The following SH3PXD2B variants were observed in gnomAD, a reference collection of about 807,000 sequenced individuals.
SH3PXD2B encodes SH3 and PX domains 2B, also known as SH3 and PX domain-containing protein 2B.
Under a neutral mutation model 73.1 loss-of-function variants are expected in SH3PXD2B, and 37 were observed. That is an observed-to-expected ratio of 0.51 (90% CI 0.39 to 0.67). The LOEUF (loss-of-function observed/expected upper bound fraction) is 0.67. Ranked by LOEUF, SH3PXD2B falls within the 30% of genes least tolerant of loss-of-function variation. SH3PXD2B has a pLI of 0.00. For missense variants in SH3PXD2B, 1,053 were observed against 1,197.8 expected, an observed-to-expected ratio of 0.88 and a Z score of 1.78; for synonymous variants, 457 against 480.5, an observed-to-expected ratio of 0.95 and a Z score of 0.64.
At chr5:172,396,569 A>G (rs2113404131) in intron 3 of SH3PXD2B, among the ~76,000 whole-genome samples, 1 of 151,430 alleles carries the variant, frequency 6.6e-6, no homozygotes, top group African/African-American at 2.4e-5. Flanking sequence ...AAAGGACACT[A>G]TTTGGAAACT....
chr5:172,347,236 C>T (rs1757016408), intron 11 of SH3PXD2B, 47 bp downstream of exon 11: 5 of 1,601,784 alleles, frequency 3.1e-6, no homozygotes, highest in South Asian at 1.1e-5. Context: ...ACACCCCTCA[C>T]AGCCCTCAAG....
intron 12 of SH3PXD2B, among the ~76,000 whole-genome samples, chr5:172,343,169 G>C (rs940704207): frequency 2.0e-5 from 3 of 152,212 alleles, no homozygotes; most frequent in Non-Finnish European, 4.4e-5. Context: ...AGTCCCACTG[G>C]AATCTCCAGG....
At chr5:172,350,135 G>A (rs1757126316) in intron 10 of SH3PXD2B, among the ~76,000 whole-genome samples, 1 of 152,212 alleles carries the variant, frequency 6.6e-6, no homozygotes, top group African/African-American at 2.4e-5. Flanking sequence ...GATTACAGGT[G>A]TGAGCCACTG....
chr5:172,434,782 G>GTTTTTTTTTTTTTGTTTTT (rs747705663), intron 1 of SH3PXD2B, among the ~76,000 whole-genome samples: 1 of 66,348 alleles, frequency 1.5e-5, no homozygotes, highest in African/African-American at 4.6e-5. Context: ...ATGGCCAATG[G>GTTTTTTTTTTTTTGTTTTT]TTTTTTTTTT....
intron 3 of SH3PXD2B, 145 bp downstream of exon 3, chr5:172,406,132 G>A: frequency 1.0e-6 from 1 of 987,692 alleles, no homozygotes; most frequent in Non-Finnish European, 1.5e-6. Flanking sequence ...GCATAAATGG[G>A]TTAATTTCTA....
At chr5:172,329,098 T>TTTTTTG (rs1756505935), downstream of SH3PXD2B, among the ~76,000 whole-genome samples, 1 of 138,060 alleles carries the variant, frequency 7.2e-6, no homozygotes, top group Admixed American at 7.4e-5. Flanking sequence ...TTTTTTTTTT[T>TTTTTTG]GAGATGGAGT....
At chr5:172,427,419 C>T (rs1215869957) in intron 1 of SH3PXD2B, among the ~76,000 whole-genome samples, 1 of 152,162 alleles carries the variant, frequency 6.6e-6, no homozygotes, top group Non-Finnish European at 1.5e-5. Flanking sequence ...GATCATAGCT[C>T]ACTGCAACTT....
intron 2 of SH3PXD2B, among the ~76,000 whole-genome samples, chr5:172,408,221 G>T (rs574129730): frequency 1.8e-4 from 28 of 151,614 alleles, no homozygotes; most frequent in Non-Finnish European, 3.4e-4. Flanking sequence ...TCGTTTCAAA[G>T]AACTTGCTTT....
intron 6 of SH3PXD2B, among the ~76,000 whole-genome samples, chr5:172,368,470 A>ATTATATATATATATAAAATATATATATAT (rs1485838423): frequency 2.4e-4 from 6 of 24,528 alleles, no homozygotes; most frequent in Admixed American, 8.3e-4. Context: ...TATATATATT[A>ATTATATATATATATAAAATATATATATAT]TATATATATA....
At chr5:172,367,532 G>C (rs559390757) in intron 6 of SH3PXD2B, among the ~76,000 whole-genome samples, 38 of 152,050 alleles carry the variant, frequency 2.5e-4, no homozygotes, top group Admixed American at 6.6e-4. Flanking sequence ...CTGGCCTTTT[G>C]ATACCTTATT....
intron 3 of SH3PXD2B, 35 bp downstream of exon 3, chr5:172,406,242 C>T: frequency 6.2e-7 from 1 of 1,608,610 alleles, no homozygotes; most frequent in Non-Finnish European, 8.5e-7. Flanking sequence ...ACAGAGCCCC[C>T]AGTGTCCCAG....
chr5:172,346,246 G>A lies in SH3PXD2B; in HGVS notation c.1078C>T (p.Leu360=), dbSNP rs756973845. The change falls in exon 12 of 13, where the codon CTG becomes TTG. Residue 360 remains leucine (L), a synonymous_variant. Transcript: ENST00000311601. ...RDMTIPRGLN[L]PKPPIPPQVE... ...TGGGGCGGGATGGGCGGCTTCGGCA[G>A]GTTGAGGCCTCGAGGCTGGTACGAT... is the stretch of plus-strand genomic sequence containing the variant. 1 of 1,614,006 alleles carries A rather than the reference G, an allele frequency of 6.2e-7. No homozygotes were observed. Among genetic ancestry groups the A allele is most frequent in the South Asian group, 1.1e-5 (1 of 91,086 alleles).
intron 12 of SH3PXD2B, among the ~76,000 whole-genome samples, chr5:172,340,315 T>C (rs1756823308): frequency 6.6e-6 from 1 of 152,210 alleles, no homozygotes; most frequent in African/African-American, 2.4e-5. Flanking sequence ...ACAAAGACAG[T>C]GCCTCAGAAC....
chr5:172,371,022 G>A (rs1338589852), intron 6 of SH3PXD2B, among the ~76,000 whole-genome samples: 2 of 152,192 alleles, frequency 1.3e-5, no homozygotes, highest in East Asian at 1.9e-4. Flanking sequence ...AAGAGGGGAT[G>A]AGAAAGAGGA....
rs1321480972 is a variant in SH3PXD2B, at chr5:172,382,107, G to A, written c.330C>T (p.Pro110=). 1 of 1,609,382 alleles carries A rather than the reference G, an allele frequency of 6.2e-7. No individual in the cohort carries two copies. The highest frequency in any genetic ancestry group is 8.5e-7 in the Non-Finnish European group (1 of 1,178,078). The part of the protein sequence containing the change: ...EYCKALIQLP[P]YISQCDEVLQ... The stretch of plus-strand genomic sequence containing the variant: ...GCACCTCATCACACTGAGAGATGTA[G>A]GGGGGCAGCTGGATGAGGGCCTGGA... Residue 110 remains proline, a synonymous_variant, in exon 5 of 13, where the codon CCC becomes CCT. Transcript: ENST00000311601.
chr5:172,355,001 C>G (rs1757239598), intron 8 of SH3PXD2B, among the ~76,000 whole-genome samples: 1 of 152,166 alleles, frequency 6.6e-6, no homozygotes, highest in Admixed American at 6.5e-5. Flanking sequence ...AGCTCCCACC[C>G]CCAGTGTTAT....
At chr5:172,378,410 G>A (rs144297763) in intron 5 of SH3PXD2B, among the ~76,000 whole-genome samples, 1 of 152,324 alleles carries the variant, frequency 6.6e-6, no homozygotes, top group East Asian at 1.9e-4. Context: ...TGCTCTTCCA[G>A]GAAGAGGGAA....
chr5:172,372,470 C>G (rs1225513224), intron 6 of SH3PXD2B, among the ~76,000 whole-genome samples: 3 of 152,132 alleles, frequency 2.0e-5, no homozygotes, highest in African/African-American at 7.2e-5. Context: ...GCCTGCAGAA[C>G]GATGAGCCAA....
At chr5:172,413,534 G>C (rs1203315902) in intron 2 of SH3PXD2B, among the ~76,000 whole-genome samples, 1 of 152,166 alleles carries the variant, frequency 6.6e-6, no homozygotes, top group East Asian at 1.9e-4. Context: ...GAACAAATGA[G>C]TAAATGAATG....
Sources: allele counts gnomAD v4.1 joint callset (sites outside exome capture counted in the v4.1 genomes callset), GRCh38; gene constraint gnomAD v4.1.1; transcripts MANE v1.5; gene names NCBI Gene and HGNC (gene_info 2026-07-23, HGNC 2026-07-21).